The following TNS3 variants were observed in gnomAD, a reference collection of about 807,000 sequenced individuals.
TNS3 encodes tensin-3.
In TNS3, 45 loss-of-function variants were observed where a neutral mutation model predicts 140.9. That is an observed-to-expected ratio of 0.32 (90% confidence interval 0.25 to 0.41). The LOEUF is 0.41. Ranked by LOEUF, TNS3 falls within the 10% of genes least tolerant of loss-of-function variation. The probability of loss-of-function intolerance (pLI) is 1.00; values close to 1 mark genes in which losing one functional copy is unlikely to be tolerated. For missense variants in TNS3, 1,716 were observed against 1,906.7 expected (o/e 0.90, Z 1.86); for synonymous variants, 815 against 788.4 (o/e 1.03, Z -0.56).
chr7:47,535,148 GC>G (rs773181714), intron 1 of TNS3, among the ~76,000 whole-genome samples: 2 of 152,170 alleles, frequency 1.3e-5, no homozygotes, highest in Non-Finnish European at 2.9e-5. Context: ...TTAGGGCCCT[GC>G]CCAGCGCCTG....
Position 47,424,107 on chromosome 7 carries a change from T to G in TNS3, c.467A>C (p.Gln156Pro). The change falls in exon 10 of 31, where the codon CAA (glutamine) becomes CCA (proline). Residue 156 changes from glutamine to proline, a missense_variant. Transcript: ENST00000311160. ...TTTGGGGATCTATACATACCGTTTTTGGGAAGGCTGCATTAAAGCTGAAAC... is the reference window on the plus strand; with the variant it reads ...TTTGGGGATCTATACATACCGTTTTGGGGAAGGCTGCATTAAAGCTGAAAC... ...DKVSALMQPS[Q>P]KRYVQFLSGL... The G allele has an allele frequency of 6.2e-7, 1 of 1,614,156 alleles. No individual in the cohort carries two copies. The highest frequency in any genetic ancestry group is 1.6e-4 in the Middle Eastern group (1 of 6,062).
At chr7:47,475,878 G>T (rs1423027795) in intron 4 of TNS3, among the ~76,000 whole-genome samples, 11 of 152,184 alleles carry the variant, frequency 7.2e-5, no homozygotes, top group African/African-American at 2.7e-4. Context: ...GTGCCTCCAA[G>T]TCTGCAAATG....
At chr7:47,330,147 C>T (rs1164852301) in intron 20 of TNS3, among the ~76,000 whole-genome samples, 2 of 152,262 alleles carry the variant, frequency 1.3e-5, no homozygotes, top group South Asian at 2.1e-4. Context: ...CAGAGATCCC[C>T]GGGGACGACA....
intron 20 of TNS3, among the ~76,000 whole-genome samples, chr7:47,306,342 T>TA (rs1252074660): frequency 7.9e-5 from 12 of 152,048 alleles, no homozygotes; most frequent in South Asian, 2.1e-4. Context: ...CCTGGTTTTT[T>TA]AAAAAAAATT....
At chr7:47,571,419 C>CAACG (rs1340952681) in intron 1 of TNS3, among the ~76,000 whole-genome samples, 1 of 152,246 alleles carries the variant, frequency 6.6e-6, no homozygotes, top group African/African-American at 2.4e-5. Flanking sequence ...ACAGGCAGGA[C>CAACG]AACGCAGCCA....
intron 20 of TNS3, among the ~76,000 whole-genome samples, chr7:47,328,121 C>T (rs1300853448): frequency 6.6e-6 from 1 of 152,148 alleles, no homozygotes; most frequent in Non-Finnish European, 1.5e-5. Context: ...TGGCGTCCCC[C>T]ACCCACCCAG....
intron 18 of TNS3, 89 bp downstream of exon 18, chr7:47,346,098 G>C: frequency 6.6e-7 from 1 of 1,523,314 alleles, no homozygotes; most frequent in Middle Eastern, 1.7e-4. Flanking sequence ...TCAGGGACAA[G>C]GCCTGGTCAT....
At chr7:47,544,681 C>G (rs537568596) in intron 1 of TNS3, among the ~76,000 whole-genome samples, 1 of 152,128 alleles carries the variant, frequency 6.6e-6, no homozygotes, top group East Asian at 1.9e-4. Flanking sequence ...ACCACAAGCC[C>G]AAGTCCCCAG....
At chr7:47,378,662 A>C (rs1416870313) in intron 16 of TNS3, among the ~76,000 whole-genome samples, 2 of 151,986 alleles carry the variant, frequency 1.3e-5, no homozygotes, top group Admixed American at 1.3e-4. Flanking sequence ...CTCAAACCAA[A>C]CCCAGAAGGG....
chr7:47,489,865 C>A (rs56754945), intron 3 of TNS3, among the ~76,000 whole-genome samples: 20,532 of 152,150 alleles, frequency 0.13, 1,981 homozygotes, highest in East Asian at 0.26. Context: ...TCTTACAAGA[C>A]CAGGGCTGAG....
At chr7:47,410,673 T>G (rs834604) in intron 13 of TNS3, among the ~76,000 whole-genome samples, 50,301 of 152,052 alleles carry the variant, frequency 0.33, 8,562 homozygotes, top group South Asian at 0.38. Flanking sequence ...ACAGGGAAAT[T>G]AATGAAAATC....
intron 1 of TNS3, among the ~76,000 whole-genome samples, chr7:47,567,036 A>C (rs1458688164): frequency 1.6e-5 from 1 of 61,972 alleles, no homozygotes; most frequent in Admixed American, 1.6e-4. Context: ...ATCTCAAAAA[A>C]AAAAAAAAAA....
intron 20 of TNS3, 147 bp from the exon 21 acceptor site, chr7:47,305,150 C>A (rs1584359706): frequency 3.6e-6 from 2 of 562,616 alleles, no homozygotes; most frequent in Non-Finnish European, 5.3e-6. Flanking sequence ...GACATCACTA[C>A]CCGTAATAGG....
At chr7:47,379,238 C>T (rs1791601861) in intron 16 of TNS3, among the ~76,000 whole-genome samples, 1 of 152,148 alleles carries the variant, frequency 6.6e-6, no homozygotes, top group South Asian at 2.1e-4. Flanking sequence ...AGTCAGGAAG[C>T]GATATCTGAG....
At chr7:47,375,105 T>G (rs1418977544) in intron 16 of TNS3, among the ~76,000 whole-genome samples, 1 of 152,330 alleles carries the variant, frequency 6.6e-6, no homozygotes, top group Non-Finnish European at 1.5e-5. Flanking sequence ...AAAGGGAGCA[T>G]GGGGAAGTCT....
rs182511180 is a variant in TNS3, at chr7:47,439,441, T to C, written c.150+46A>G. 2.1e-5 allele frequency: 34 copies of C among 1,602,858 alleles called. No homozygotes were observed. The East Asian group carries it at 7.2e-4, about 34-fold the overall frequency. Reference sequence around the variant, plus strand: ...TGAGTGCCCATCCCTACACAGTGCCTGCTGCAGAGCCTGCCCAAAGGCTCC... The same window carrying C: ...TGAGTGCCCATCCCTACACAGTGCCCGCTGCAGAGCCTGCCCAAAGGCTCC... On this transcript the variant is annotated intron_variant, in intron 6 of 30. Transcript: ENST00000311160.
At chr7:47,341,410 T>A (rs149570683) in intron 20 of TNS3, among the ~76,000 whole-genome samples, 2 of 152,352 alleles carry the variant, frequency 1.3e-5, no homozygotes, top group South Asian at 4.1e-4. Context: ...AATTTCCTTA[T>A]AGTTACAGGG....
chr7:47,464,105 T>C (rs1164649814), intron 4 of TNS3, among the ~76,000 whole-genome samples: 1 of 152,164 alleles, frequency 6.6e-6, no homozygotes, highest in African/African-American at 2.4e-5. Flanking sequence ...AGAGGAATCC[T>C]TCCTCCTGAC....
At chr7:47,292,151 G>A in intron 26 of TNS3, 119 bp from the exon 27 acceptor site, 1 of 934,148 alleles carries the variant, frequency 1.1e-6, no homozygotes, top group Admixed American at 2.5e-5. Context: ...TGGTTTTGCA[G>A]AGTCAAGAGT....
Sources: allele counts gnomAD v4.1 joint callset (sites outside exome capture counted in the v4.1 genomes callset), GRCh38; gene constraint gnomAD v4.1.1; transcripts MANE v1.5; gene names NCBI Gene and HGNC (gene_info 2026-07-23, HGNC 2026-07-21).